Variants in ASAP1 observed in about 807,000 individuals in gnomAD.
ASAP1 encodes arf-GAP with SH3 domain, ANK repeat and PH domain-containing protein 1.
ASAP1 carries 43 observed loss-of-function variants against 145.2 expected under a neutral mutation model. That is an observed-to-expected ratio of 0.30 (90% CI 0.23 to 0.38). ASAP1 has a LOEUF of 0.38. Ranked by LOEUF, ASAP1 falls within the 10% of genes least tolerant of loss-of-function variation. The pLI, the probability that ASAP1 is intolerant of heterozygous loss-of-function variation, is 1.00. For missense variants in ASAP1, 1,018 were observed against 1,355.3 expected, an observed-to-expected ratio of 0.75 and a Z score of 3.91; for synonymous variants, 546 against 515.5, an observed-to-expected ratio of 1.06 and a Z score of -0.80.
intron 3 of ASAP1, among the ~76,000 whole-genome samples, chr8:130,262,404 AAAAAAAAAAAAAAGAGAGAGAGAG>A (rs1451714166): frequency 5.3e-5 from 6 of 114,148 alleles, no homozygotes; most frequent in Admixed American, 9.8e-5. Flanking sequence ...AAAAAAAAAA[AAAAAAAAAAAAAAGAGAGAGAGAG>A]AGAGAGAGAG....
intron 2 of ASAP1, among the ~76,000 whole-genome samples, chr8:130,362,239 G>A (rs1826752313): frequency 2.0e-5 from 3 of 152,142 alleles, no homozygotes; most frequent in South Asian, 4.1e-4. Context: ...CAGAGGTGGG[G>A]GAGTGTGGGT....
chr8:130,308,457 A>T (rs1291766614), intron 3 of ASAP1, among the ~76,000 whole-genome samples: 1 of 152,238 alleles, frequency 6.6e-6, no homozygotes, highest in Non-Finnish European at 1.5e-5. Flanking sequence ...AGAATAAGAT[A>T]CGGATGTTCT....
intron 7 of ASAP1, among the ~76,000 whole-genome samples, chr8:130,185,729 CAAAAAAA>C (rs778486303): frequency 1.4e-4 from 8 of 57,146 alleles, no homozygotes; most frequent in East Asian, 4.9e-4. Context: ...AACTCCGCCT[CAAAAAAA>C]AAAAAAAAAA....
chr8:130,276,726 ACACTCTCTCTCTCT>A (rs1820917301), intron 3 of ASAP1, among the ~76,000 whole-genome samples: 2 of 91,766 alleles, frequency 2.2e-5, no homozygotes, highest in African/African-American at 3.6e-5. Context: ...ACACACACAC[ACACTCTCTCTCTCT>A]CTCTCTCTCT....
intron 5 of ASAP1, among the ~76,000 whole-genome samples, chr8:130,188,840 C>T (rs753759535): frequency 7.9e-5 from 12 of 151,800 alleles, no homozygotes; most frequent in Admixed American, 3.3e-4. Context: ...ACAAATAATT[C>T]CTCAAATCAT....
intron 4 of ASAP1, among the ~76,000 whole-genome samples, chr8:130,215,352 C>T (rs1196031760): frequency 6.6e-6 from 1 of 152,146 alleles, no homozygotes; most frequent in Non-Finnish European, 1.5e-5. Context: ...AATCCTAGAA[C>T]TTTGGGAGGC....
intron 1 of ASAP1, among the ~76,000 whole-genome samples, chr8:130,409,699 G>A (rs561033393): frequency 2.0e-5 from 3 of 152,126 alleles, no homozygotes; most frequent in South Asian, 2.1e-4. Flanking sequence ...CCAACCGCCC[G>A]CCTCATTTGT....
chr8:130,058,073 T>TC lies in ASAP1; in HGVS notation c.3195dup (p.Lys1066GlufsTer3). 1 of 1,613,054 alleles carries TC rather than the reference T, an allele frequency of 6.2e-7. No individual in the cohort carries two copies. Among genetic ancestry groups the TC allele is most frequent in the Non-Finnish European group, 8.5e-7 (1 of 1,179,078 alleles). ...GTCTTCACTCGCCTCACTTTATTTT[T>TC]CCCCTTAAAGAAAGAAACTGGGTTT... On this transcript the variant is annotated frameshift_variant, in exon 29 of 30. Coordinates refer to ENST00000518721, the MANE Select transcript of ASAP1 (RefSeq NM_018482.4). LOFTEE classifies it high-confidence loss of function.
chr8:130,343,314 A>T lies in ASAP1; in HGVS notation c.186+14703T>A, dbSNP rs145348143. Among the ~76,000 whole-genome samples, 686 of 152,278 alleles carry T rather than the reference A, an allele frequency of 4.5e-3. 5 individuals carry two copies. Among genetic ancestry groups the T allele is most frequent in the African/African-American group, 0.016 (657 of 41,560 alleles). On this transcript the variant is annotated intron_variant, in intron 3 of 29. Transcript: ENST00000518721. ...AAGGCAGAGCTACTCACCACCCCCT[A>T]ACACTGAGATGACACTGGCTTTCAG...
chr8:130,145,751 T>C (rs1486247281), intron 13 of ASAP1, among the ~76,000 whole-genome samples: 1 of 152,108 alleles, frequency 6.6e-6, no homozygotes, highest in Non-Finnish European at 1.5e-5. Context: ...TATTACTATT[T>C]GAGAGATGTG....
chr8:130,291,553 C>T (rs1412860158), intron 3 of ASAP1, among the ~76,000 whole-genome samples: 2 of 151,604 alleles, frequency 1.3e-5, no homozygotes, highest in Admixed American at 1.3e-4. Flanking sequence ...CTCAGGGTTT[C>T]GGTGAGAAGA....
At chr8:130,175,553 G>A (rs1813894751) in intron 9 of ASAP1, among the ~76,000 whole-genome samples, 1 of 151,892 alleles carries the variant, frequency 6.6e-6, no homozygotes, top group African/African-American at 2.4e-5. Context: ...TATATATTCT[G>A]GATATCAGAC....
At chr8:130,375,258 G>A (rs920614323) in intron 2 of ASAP1, among the ~76,000 whole-genome samples, 2 of 152,010 alleles carry the variant, frequency 1.3e-5, no homozygotes, top group South Asian at 2.1e-4. Flanking sequence ...AGGATAATGC[G>A]CCCTCCCTGG....
intron 24 of ASAP1, among the ~76,000 whole-genome samples, chr8:130,106,818 C>A (rs2097537494): frequency 6.6e-6 from 1 of 152,218 alleles, no homozygotes; most frequent in Admixed American, 6.5e-5. Flanking sequence ...CAGCACTTCT[C>A]TTTCCTGCTC....
At chr8:130,434,499 T>C (rs1830241503) in intron 1 of ASAP1, among the ~76,000 whole-genome samples, 1 of 152,240 alleles carries the variant, frequency 6.6e-6, no homozygotes, top group South Asian at 2.1e-4. Flanking sequence ...GGAAAACTGC[T>C]TACAACAGTA....
At chr8:130,325,015 C>T (rs1232482989) in intron 3 of ASAP1, among the ~76,000 whole-genome samples, 1 of 152,174 alleles carries the variant, frequency 6.6e-6, no homozygotes, top group Non-Finnish European at 1.5e-5. Context: ...GGCAGCCCTG[C>T]TTGCAGGCCC....
At chr8:130,116,524 C>G (rs1193914752) in intron 22 of ASAP1, among the ~76,000 whole-genome samples, 154 bp downstream of exon 22, 1 of 152,174 alleles carries the variant, frequency 6.6e-6, no homozygotes, top group Non-Finnish European at 1.5e-5. Flanking sequence ...CATTTTACCA[C>G]TTTTTCTAAT....
chr8:130,291,842 G>T (rs1821964229), intron 3 of ASAP1, among the ~76,000 whole-genome samples: 1 of 152,124 alleles, frequency 6.6e-6, no homozygotes, highest in Non-Finnish European at 1.5e-5. Context: ...CAACTCTTCG[G>T]CTCCCTAAAA....
intron 5 of ASAP1, among the ~76,000 whole-genome samples, chr8:130,188,577 T>C (rs1814901986): frequency 6.6e-6 from 1 of 151,118 alleles, no homozygotes; most frequent in Non-Finnish European, 1.5e-5. Context: ...CTGCTAAAAA[T>C]ACAAAAATTA....
Sources: allele counts gnomAD v4.1 joint callset (sites outside exome capture counted in the v4.1 genomes callset), GRCh38; gene constraint gnomAD v4.1.1; transcripts MANE v1.5; gene names NCBI Gene and HGNC (gene_info 2026-07-23, HGNC 2026-07-21).